LHFPL2: variants seen among roughly 807,000 people sequenced by gnomAD.
LHFPL2 encodes LHFPL tetraspan subfamily member 2 protein.
In LHFPL2, 7 loss-of-function variants were observed where a neutral mutation model predicts 17.5. That is an observed-to-expected ratio of 0.40 (90% CI 0.23 to 0.75). The LOEUF is 0.75. Among genes scored for constraint, LHFPL2 ranks in the 30% least tolerant of loss-of-function variants. The pLI is 0.37. For synonymous variants in LHFPL2, 134 were observed against 116.2 expected, an observed-to-expected ratio of 1.15 and a Z score of -0.99; for missense variants, 241 against 294.8, an observed-to-expected ratio of 0.82 and a Z score of 1.34.
intron 4 of LHFPL2, among the ~76,000 whole-genome samples, chr5:78,508,411 G>A (rs1263993315): frequency 2.6e-5 from 4 of 152,142 alleles, no homozygotes; most frequent in African/African-American, 9.7e-5. Context: ...AGGGCCTGGT[G>A]TCTGGATGGT....
At chr5:78,555,691 C>A (rs1756552845) in intron 3 of LHFPL2, among the ~76,000 whole-genome samples, 1 of 152,220 alleles carries the variant, frequency 6.6e-6, no homozygotes, top group African/African-American at 2.4e-5. Flanking sequence ...CCCCAACAGG[C>A]AGCTGGCTGG....
At chr5:78,576,257 TG>T (rs1247479857) in intron 2 of LHFPL2, among the ~76,000 whole-genome samples, 1 of 149,848 alleles carries the variant, frequency 6.7e-6, no homozygotes, top group African/African-American at 2.5e-5. Flanking sequence ...ATCGCGCCAC[TG>T]CACTCCAGCC....
chr5:78,637,260 G>T (rs767727425), intron 1 of LHFPL2, among the ~76,000 whole-genome samples: 1 of 152,096 alleles, frequency 6.6e-6, no homozygotes, highest in South Asian at 2.1e-4. Flanking sequence ...CTTTGTAATC[G>T]CATAACCTTG....
intron 3 of LHFPL2, among the ~76,000 whole-genome samples, chr5:78,516,500 A>G (rs1425646765): frequency 6.6e-6 from 1 of 152,126 alleles, no homozygotes; most frequent in Non-Finnish European, 1.5e-5. Context: ...GGGCGCTGTC[A>G]AACAAAAATT....
chr5:78,508,611 G>A (rs1417144391), intron 4 of LHFPL2, among the ~76,000 whole-genome samples: 1 of 152,230 alleles, frequency 6.6e-6, no homozygotes, highest in East Asian at 1.9e-4. Flanking sequence ...AGCCAGCCCT[G>A]CTGAGCTCAA....
chr5:78,628,535 A>G (rs1745138814), intron 2 of LHFPL2, among the ~76,000 whole-genome samples: 1 of 152,210 alleles, frequency 6.6e-6, no homozygotes, highest in South Asian at 2.1e-4. Context: ...TCAAAGGAGC[A>G]GCAGCCCCTT....
intron 2 of LHFPL2, chr5:78,590,179 T>C (rs1487999552): frequency 6.6e-6 from 1 of 151,290 alleles, no homozygotes; most frequent in African/African-American, 2.4e-5. Context: ...TCATCCCTTT[T>C]GGTCCAGGAA....
At chr5:78,563,417 C>T (rs886899706) in intron 3 of LHFPL2, among the ~76,000 whole-genome samples, 1 of 152,042 alleles carries the variant, frequency 6.6e-6, no homozygotes, top group Non-Finnish European at 1.5e-5. Flanking sequence ...CAGTTTGGGC[C>T]GACCATGGTG....
chr5:78,610,540 G>A (rs1045631569), intron 2 of LHFPL2, among the ~76,000 whole-genome samples: 4 of 152,164 alleles, frequency 2.6e-5, no homozygotes, highest in Non-Finnish European at 5.9e-5. Context: ...GGCCTGGTGA[G>A]CAGGAGAGGC....
intron 3 of LHFPL2, among the ~76,000 whole-genome samples, chr5:78,512,891 A>C (rs2112328590): frequency 6.6e-6 from 1 of 151,278 alleles, no homozygotes; most frequent in South Asian, 2.1e-4. Flanking sequence ...AGCAGCTGGG[A>C]TTACAAGCAC....
intron 3 of LHFPL2, among the ~76,000 whole-genome samples, chr5:78,517,980 G>A (rs1755339858): frequency 6.6e-6 from 1 of 152,218 alleles, no homozygotes; most frequent in South Asian, 2.1e-4. Flanking sequence ...CGACAGGCAG[G>A]AGGGGCTGAA....
chr5:78,600,366 A>T (rs1375604051), intron 2 of LHFPL2, among the ~76,000 whole-genome samples: 1 of 151,994 alleles, frequency 6.6e-6, no homozygotes, highest in African/African-American at 2.4e-5. Context: ...TAAAAAAAAA[A>T]TTAAAATTAC....
At chr5:78,529,604 C>T (rs1014377272) in intron 3 of LHFPL2, among the ~76,000 whole-genome samples, 4 of 151,958 alleles carry the variant, frequency 2.6e-5, no homozygotes, top group African/African-American at 7.3e-5. Context: ...CCACTGCAGT[C>T]CGCAGTCCGG....
intron 4 of LHFPL2, among the ~76,000 whole-genome samples, chr5:78,489,679 C>T (rs944926724): frequency 6.6e-6 from 1 of 152,162 alleles, no homozygotes; most frequent in African/African-American, 2.4e-5. Flanking sequence ...CAACTTGTTA[C>T]TATGTATTCC....
chr5:78,546,288 C>T (rs1415929547), intron 3 of LHFPL2, among the ~76,000 whole-genome samples: 3 of 152,084 alleles, frequency 2.0e-5, no homozygotes, highest in Admixed American at 6.5e-5. Flanking sequence ...ATCATAAAGC[C>T]GCATCTCTGG....
intron 3 of LHFPL2, among the ~76,000 whole-genome samples, chr5:78,563,592 T>C (rs1756785770): frequency 6.6e-6 from 1 of 151,216 alleles, no homozygotes. Flanking sequence ...GTTACTCTAC[T>C]CAGGAGGCTG....
At chr5:78,577,483 C>G (rs1757161850) in intron 2 of LHFPL2, among the ~76,000 whole-genome samples, 1 of 152,138 alleles carries the variant, frequency 6.6e-6, no homozygotes, top group South Asian at 2.1e-4. Context: ...AAGAGCTCAA[C>G]TCACATAAAA....
At chr5:78,553,644 G>A (rs762421375) in intron 3 of LHFPL2, among the ~76,000 whole-genome samples, 2 of 152,146 alleles carry the variant, frequency 1.3e-5, no homozygotes, top group Admixed American at 6.5e-5. Flanking sequence ...AACACACAGC[G>A]CAGAAGGATT....
chr5:78,496,844 T>C (rs987783522), intron 4 of LHFPL2, among the ~76,000 whole-genome samples: 2 of 152,174 alleles, frequency 1.3e-5, no homozygotes, highest in Non-Finnish European at 2.9e-5. Flanking sequence ...ACCTTTCCAG[T>C]CTAAACACAA....
Sources: allele counts gnomAD v4.1 joint callset (sites outside exome capture counted in the v4.1 genomes callset), GRCh38; gene constraint gnomAD v4.1.1; transcripts MANE v1.5; gene names NCBI Gene and HGNC (gene_info 2026-07-23, HGNC 2026-07-21).